The following C19orf44 variants were observed in gnomAD, a reference collection of about 807,000 sequenced individuals.
C19orf44 encodes the protein uncharacterized protein C19orf44.
Under a neutral mutation model 50.7 loss-of-function variants are expected in C19orf44, and 43 were observed. The observed-to-expected ratio is 0.85, with a 90% CI of 0.66 to 1.09. The LOEUF is 1.09. Ranked by LOEUF, C19orf44 falls within the 50% of genes least tolerant of loss-of-function variation. C19orf44 has a pLI of 0.00. For synonymous variants in C19orf44, 298 were observed against 334.7 expected (o/e 0.89, Z 1.20); for missense variants, 722 against 836.2 (o/e 0.86, Z 1.68).
At position 16,519,218 on chromosome 19, in the gene C19orf44, G is replaced by C; in HGVS notation, c.*41-876G>C. On this transcript the variant is annotated intron_variant, in intron 8 of 8. Coordinates refer to ENST00000221671, the MANE Select transcript of C19orf44 (RefSeq NM_032207.4). This position sits in a 1 kb window ranked among gnomAD's most constrained non-coding sequence, Gnocchi z 6.0. ...ATGAAGGAGTAGCTCTTGTTCCTGC[G>C]GTAGTTCTCATAGGGGTCATCCAGA... 1 of 1,613,994 alleles carries C rather than the reference G, an allele frequency of 6.2e-7. No individual in the cohort carries two copies. Among genetic ancestry groups the C allele is most frequent in the Non-Finnish European group, 8.5e-7 (1 of 1,180,020 alleles).
chr19:16,514,722 G>T, intron 7 of C19orf44, 59 bp downstream of exon 7: 5 of 1,452,144 alleles, frequency 3.4e-6, no homozygotes, highest in Non-Finnish European at 3.6e-6. Context: ...GCTCCCAGAG[G>T]CCGGGCCGAA....
Position 16,501,139 on chromosome 19 carries a change from C to T in C19orf44, c.347C>T (p.Thr116Met), listed in dbSNP as rs747540279. The change falls in exon 2 of 9, where the codon ACG (threonine) becomes ATG (methionine). Residue 116 changes from threonine to methionine, a missense_variant. Transcript: ENST00000221671. ...NRKLQRNLSDTESDSMTADAG... is the reference protein window; with the variant it reads ...NRKLQRNLSDMESDSMTADAG... ...AAGCTGCAGAGGAATTTGTCTGACACGGAATCTGACTCAATGACCGCCGAT... is the reference window on the plus strand; with the variant it reads ...AAGCTGCAGAGGAATTTGTCTGACATGGAATCTGACTCAATGACCGCCGAT... 22 of 1,613,962 alleles carry T rather than the reference C, an allele frequency of 1.4e-5. No homozygotes were observed. The highest frequency in any genetic ancestry group is 6.7e-5 in the African/African-American group (5 of 74,894).
chr19:16,498,297 T>C (rs1335470515), intron 1 of C19orf44, among the ~76,000 whole-genome samples: 1 of 152,140 alleles, frequency 6.6e-6, no homozygotes, highest in East Asian at 1.9e-4. Flanking sequence ...TCTTTATTTT[T>C]TTTAGAGATA....
rs1406460994 is a variant in C19orf44, at chr19:16,500,840, T to G, written c.48T>G (p.Gly16=). ...KASRPMRDVF[G]DFSDVSLEDS... ...GCCGTCCCATGCGTGATGTTTTTGG[T>G]GACTTCAGTGATGTTTCCTTGGAAG... The change falls in exon 2 of 9, where the codon GGT becomes GGG. Residue 16 remains glycine (G), a synonymous_variant. Coordinates refer to ENST00000221671, the MANE Select transcript of C19orf44 (RefSeq NM_032207.4). The G allele has an allele frequency of 6.9e-6, 11 of 1,601,734 alleles. No homozygotes were observed. Among genetic ancestry groups the G allele is most frequent in the Non-Finnish European group, 7.7e-6 (9 of 1,176,286 alleles).
rs778160376 is a variant in C19orf44 at position 16,517,234 on chromosome 19, T to C, written c.1907T>C (p.Ile636Thr). Reference sequence around the variant, plus strand: ...GGTCTGTTCTCTGCCTGACAGTACATTAGGTGCCACAGACCTGCCCCACTG... The same window carrying C: ...GGTCTGTTCTCTGCCTGACAGTACACTAGGTGCCACAGACCTGCCCCACTG... Reference protein sequence around the residue: ...YHTLEEAKEYIRCHRPAPLTM... With the variant: ...YHTLEEAKEYTRCHRPAPLTM... The change falls in exon 8 of 9, where the codon ATT (isoleucine) becomes ACT (threonine). Residue 636 changes from isoleucine to threonine, a missense_variant. Ile to Thr is a moderately conservative substitution (Grantham distance 89, BLOSUM62 -1). Transcript: ENST00000221671. The C allele has an allele frequency of 1.2e-6, 2 of 1,614,010 alleles. No homozygotes were observed. Among genetic ancestry groups the C allele is most frequent in the Non-Finnish European group, 8.5e-7 (1 of 1,179,926 alleles).
intron 8 of C19orf44, chr19:16,517,877 C>T (rs559645611): frequency 6.6e-6 from 1 of 152,576 alleles, no homozygotes; most frequent in East Asian, 1.9e-4. Context: ...CTGACTTACA[C>T]ATGTGCGGGA....
chr19:16,499,246 A>G (rs1369314731), intron 1 of C19orf44, among the ~76,000 whole-genome samples: 1 of 151,938 alleles, frequency 6.6e-6, no homozygotes, highest in East Asian at 1.9e-4. Flanking sequence ...CGGGAAACAG[A>G]TTGTTAATAG....
chr19:16,517,466 C>T, intron 8 of C19orf44, 125 bp downstream of exon 8: 3 of 682,000 alleles, frequency 4.4e-6, no homozygotes, highest in Non-Finnish European at 7.5e-6. Context: ...CACACACAGT[C>T]AGCATCCAGG....
Position 16,513,112 on chromosome 19 carries a change from A to G in C19orf44, c.1735+3A>G. 6.2e-7 allele frequency: 1 copy of G among 1,613,598 alleles called. No individual in the cohort carries two copies. The highest frequency in any genetic ancestry group is 8.5e-7 in the Non-Finnish European group (1 of 1,179,766). On this transcript the variant is annotated splice_donor_region_variant and intron_variant, in intron 6 of 8. Coordinates refer to ENST00000221671, the MANE Select transcript of C19orf44 (RefSeq NM_032207.4). ...TATCAGTGCAGATGCAATAGAAGGTAACAGCCCGGCTCGGGGGATCCTTCC... is the reference window on the plus strand; with the variant it reads ...TATCAGTGCAGATGCAATAGAAGGTGACAGCCCGGCTCGGGGGATCCTTCC...
chr19:16,508,637 C>T (rs902701064), intron 4 of C19orf44, among the ~76,000 whole-genome samples: 5 of 152,182 alleles, frequency 3.3e-5, no homozygotes, highest in African/African-American at 7.2e-5. Context: ...CCTCCTGCCT[C>T]GGCCTTTCAA....
intron 5 of C19orf44, among the ~76,000 whole-genome samples, chr19:16,511,040 A>G (rs1430724406): frequency 6.7e-6 from 1 of 149,564 alleles, no homozygotes; most frequent in African/African-American, 2.5e-5. Context: ...CCGGCCCTGT[A>G]TCTTTTTTTT....
At position 16,520,341 on chromosome 19, in the gene C19orf44, G is replaced by A; in HGVS notation, c.*288G>A. The A allele has an allele frequency of 6.2e-7, 1 of 1,611,660 alleles. No homozygotes were observed. The highest frequency in any genetic ancestry group is 1.7e-5 in the Admixed American group (1 of 59,952). On this transcript the variant is annotated 3_prime_UTR_variant, in exon 9 of 9. Coordinates refer to ENST00000221671, the MANE Select transcript of C19orf44 (RefSeq NM_032207.4). This position sits in a 1 kb window ranked among gnomAD's most constrained non-coding sequence, Gnocchi z 4.0. ...GCCACAGGAAGAGGCCTCAGGCACT[G>A]CCCTGAGGCAGCCTCTGCCTACCTA...
rs1169026484 is a variant in C19orf44, at chr19:16,520,721, A to AGGCT, written c.*670_*673dup. On this transcript the variant is annotated 3_prime_UTR_variant, in exon 9 of 9. Transcript: ENST00000221671. This position sits in a 1 kb window ranked among gnomAD's most constrained non-coding sequence, Gnocchi z 4.0. Reference sequence around the variant, plus strand: ...GTGGAAAACACCGCCCCATAGGCACAGGCTGTGTGAGGGTGGACGTGATGA... The same window carrying AGGCT: ...GTGGAAAACACCGCCCCATAGGCACAGGCTGGCTGTGTGAGGGTGGACGTGATGA... The AGGCT allele has an allele frequency of 1.6e-6, 2 of 1,246,392 alleles. No individual in the cohort carries two copies. Among genetic ancestry groups the AGGCT allele is most frequent in the Non-Finnish European group, 2.3e-6 (2 of 856,384 alleles). 77.2% of individuals were successfully genotyped at this position (1,246,392 alleles called of 1,614,324 possible).
At position 16,519,857 on chromosome 19, in the gene C19orf44, C is replaced by T. The variant is rs992263562; in HGVS notation, c.*41-237C>T. ...CGTATGCAGATTTTGCGTCTCTACCCGTTTATCCTGTCTCAGCTAGATAAG... is the reference window on the plus strand; with the variant it reads ...CGTATGCAGATTTTGCGTCTCTACCTGTTTATCCTGTCTCAGCTAGATAAG... On this transcript the variant is annotated intron_variant, in intron 8 of 8. Transcript: ENST00000221671. The surrounding 1 kb of genome is among the most constrained non-coding windows in gnomAD (Gnocchi z 6.0). 6 of 783,408 alleles carry T rather than the reference C, an allele frequency of 7.7e-6. No homozygotes were observed. Among genetic ancestry groups the T allele is most frequent in the East Asian group, 2.5e-5 (1 of 40,002 alleles). 48.5% of individuals were successfully genotyped at this position (783,408 alleles called of 1,614,324 possible).
chr19:16,520,076 A>G lies in C19orf44; in HGVS notation c.*41-18A>G. 6.8e-7 allele frequency: 1 copy of G among 1,481,356 alleles called. No individual in the cohort carries two copies. The highest frequency in any genetic ancestry group is 9.4e-7 in the Non-Finnish European group (1 of 1,069,464). The allele number at this position is 1,481,356 out of a possible 1,614,324, so 91.8% of individuals were successfully genotyped here. On this transcript the variant is annotated intron_variant, in intron 8 of 8. Coordinates refer to ENST00000221671, the MANE Select transcript of C19orf44 (RefSeq NM_032207.4). This position sits in a 1 kb window ranked among gnomAD's most constrained non-coding sequence, Gnocchi z 4.0. ...TCCTAACACAGTCTCCTAACCACCA[A>G]TGTTTCCACATTCACAGCAAAGCAC...
chr19:16,515,926 AG>A (rs2093470294), intron 7 of C19orf44, among the ~76,000 whole-genome samples: 2 of 151,678 alleles, frequency 1.3e-5, no homozygotes, highest in Non-Finnish European at 2.9e-5. Context: ...CTTCCTGAGT[AG>A]CTGTGATTAC....
At chr19:16,501,735 G>A (rs978714991) in intron 2 of C19orf44, among the ~76,000 whole-genome samples, 184 bp downstream of exon 2, 5 of 148,406 alleles carry the variant, frequency 3.4e-5, no homozygotes, top group African/African-American at 1.3e-4. Context: ...GGAATTACAG[G>A]CATGCACCAC....
chr19:16,512,975 C>T lies in C19orf44; in HGVS notation c.1640-39C>T, dbSNP rs760854808. 14 of 1,568,184 alleles carry T rather than the reference C, an allele frequency of 8.9e-6. No homozygotes were observed. The Admixed American group carries it at 1.0e-4, about 11-fold the overall frequency. The stretch of plus-strand genomic sequence containing the variant: ...TGTGGACCCGAAAGTCATTTCTCTG[C>T]GTCCTGCCTGCTTACCCCTCTCTTT... On this transcript the variant is annotated intron_variant, in intron 5 of 8. Coordinates refer to ENST00000221671, the MANE Select transcript of C19orf44 (RefSeq NM_032207.4).
rs139036992 is a variant in C19orf44, at chr19:16,509,954, G to A, written c.1605G>A (p.Thr535=). Residue 535 remains threonine (T), a synonymous_variant, in exon 5 of 9, where the codon ACG becomes ACA. Transcript: ENST00000221671. ...RVLVKDTAVQ[T]PDPAFTYEWT... The stretch of plus-strand genomic sequence containing the variant: ...TTGTGAAGGACACAGCTGTGCAGAC[G>A]CCAGATCCTGCCTTCACCTACGAGT... 39 of 1,614,098 alleles carry A rather than the reference G, an allele frequency of 2.4e-5. No homozygotes were observed. The highest frequency in any genetic ancestry group is 5.3e-5 in the African/African-American group (4 of 74,948).
Sources: gnomAD v4.1 joint callset for allele counts (sites outside exome capture counted in the v4.1 genomes callset) on GRCh38, gnomAD v4.1.1 for gene constraint, Gnocchi (gnomAD v3.1) non-coding constraint, MANE v1.5 for transcripts, NCBI Gene and HGNC (gene_info 2026-07-23, HGNC 2026-07-21) for gene names.